The following LRP1B variants were observed in gnomAD, a reference collection of about 807,000 sequenced individuals.
LRP1B encodes LDL receptor related protein 1B.
LRP1B carries 217 observed loss-of-function variants against 556.6 expected under a neutral mutation model. The observed-to-expected ratio is 0.39, with a 90% CI of 0.35 to 0.44. The LOEUF is 0.44. LRP1B is among the 20% of genes least tolerant of loss of function. The pLI is 1.00. For missense variants in LRP1B, 5,053 were observed against 5,620.8 expected, an observed-to-expected ratio of 0.90 and a Z score of 3.23; for synonymous variants, 2,047 against 1,865.8, an observed-to-expected ratio of 1.10 and a Z score of -2.50.
intron 7 of LRP1B, among the ~76,000 whole-genome samples, chr2:141,144,131 C>T (rs1225875290): frequency 6.6e-6 from 1 of 152,058 alleles, no homozygotes; most frequent in African/African-American, 2.4e-5. Flanking sequence ...AATTTTTGAC[C>T]TGTCTACTCT....
intron 32 of LRP1B, among the ~76,000 whole-genome samples, chr2:140,789,215 T>A (rs895500367): frequency 6.6e-6 from 1 of 152,182 alleles, no homozygotes; most frequent in African/African-American, 2.4e-5. Flanking sequence ...CGGGAGCCAC[T>A]GAGAGAAAAT....
intron 2 of LRP1B, among the ~76,000 whole-genome samples, chr2:141,676,250 C>A (rs1292614099): frequency 1.3e-5 from 2 of 151,934 alleles, no homozygotes; most frequent in Non-Finnish European, 2.9e-5. Context: ...ATGTTTGTAT[C>A]CCCAGTGCCA....
At chr2:140,793,441 C>T (rs1267301952) in intron 32 of LRP1B, among the ~76,000 whole-genome samples, 1 of 151,920 alleles carries the variant, frequency 6.6e-6, no homozygotes, top group Non-Finnish European at 1.5e-5. Flanking sequence ...ATTTACTATT[C>T]TGTCCTTATT....
intron 49 of LRP1B, among the ~76,000 whole-genome samples, chr2:140,524,128 T>A (rs936989800): frequency 7.3e-5 from 11 of 150,830 alleles, no homozygotes. Context: ...CAATAAGAAA[T>A]AAAAAAAACA....
intron 15 of LRP1B, among the ~76,000 whole-genome samples, chr2:141,002,223 T>C (rs1697445243): frequency 7.5e-6 from 1 of 133,430 alleles, no homozygotes; most frequent in Non-Finnish European, 1.6e-5. Context: ...TTTCCATTAC[T>C]AAAGAAAAAA....
At chr2:140,651,217 T>C (rs1684669820) in intron 41 of LRP1B, among the ~76,000 whole-genome samples, 1 of 151,160 alleles carries the variant, frequency 6.6e-6, no homozygotes, top group Non-Finnish European at 1.5e-5. Context: ...ATGGATGAAA[T>C]TGGAAATCAT....
At chr2:141,156,718 G>C (rs913744869) in intron 7 of LRP1B, among the ~76,000 whole-genome samples, 1 of 151,986 alleles carries the variant, frequency 6.6e-6, no homozygotes. Context: ...TTCTCTCATA[G>C]ATATATATAA....
At chr2:141,739,370 A>G (rs962816489) in intron 2 of LRP1B, among the ~76,000 whole-genome samples, 2 of 152,286 alleles carry the variant, frequency 1.3e-5, no homozygotes, top group Admixed American at 1.3e-4. Flanking sequence ...AAATGAATAA[A>G]TAAGCACACA....
intron 84 of LRP1B, among the ~76,000 whole-genome samples, chr2:140,282,706 A>G (rs1364123957): frequency 1.3e-5 from 2 of 151,820 alleles, no homozygotes; most frequent in Admixed American, 6.6e-5. Flanking sequence ...TCAGGGACAC[A>G]AGCTGGCATT....
intron 41 of LRP1B, among the ~76,000 whole-genome samples, chr2:140,652,059 A>G (rs566772388): frequency 6.6e-6 from 1 of 152,292 alleles, no homozygotes; most frequent in African/African-American, 2.4e-5. Flanking sequence ...AAGAGATTTT[A>G]TAAAAAAAAG....
chr2:141,986,816 A>G (rs1702200837), intron 1 of LRP1B, among the ~76,000 whole-genome samples: 1 of 151,968 alleles, frequency 6.6e-6, no homozygotes, highest in African/African-American at 2.4e-5. Context: ...GAAATCCACT[A>G]TGAGTTTGTC....
intron 66 of LRP1B, 60 bp from the exon 67 acceptor site, chr2:140,386,069 G>T: frequency 1.0e-6 from 1 of 991,464 alleles, no homozygotes; most frequent in Non-Finnish European, 1.6e-6. Flanking sequence ...CCCTCACAAC[G>T]TCCTCACTGC....
chr2:140,483,014 A>T (rs537195896), intron 59 of LRP1B, among the ~76,000 whole-genome samples: 1 of 152,296 alleles, frequency 6.6e-6, no homozygotes, highest in East Asian at 1.9e-4. Flanking sequence ...CCTAGAGCTC[A>T]TCTCATCAAT....
chr2:141,637,602 T>A (rs1689148428), intron 2 of LRP1B, among the ~76,000 whole-genome samples: 11 of 152,216 alleles, frequency 7.2e-5, no homozygotes, highest in Admixed American at 7.2e-4. Flanking sequence ...CTTCTCCTGG[T>A]TTGCACTGCC....
chr2:140,503,306 G>A (rs947402791), intron 53 of LRP1B, among the ~76,000 whole-genome samples: 2 of 152,000 alleles, frequency 1.3e-5, no homozygotes, highest in African/African-American at 4.8e-5. Context: ...AAAAACTCAA[G>A]TTGGAAACTA....
intron 5 of LRP1B, among the ~76,000 whole-genome samples, chr2:141,243,762 A>G (rs948559218): frequency 2.0e-5 from 3 of 152,154 alleles, no homozygotes; most frequent in African/African-American, 7.2e-5. Flanking sequence ...TGTATTCTTT[A>G]TTTCATTAGT....
At chr2:142,042,356 G>T (rs944394349) in intron 1 of LRP1B, among the ~76,000 whole-genome samples, 13 of 151,392 alleles carry the variant, frequency 8.6e-5, no homozygotes, top group African/African-American at 3.1e-4. Context: ...GTGTTCGTTG[G>T]TGAAGGCTGA....
intron 1 of LRP1B, among the ~76,000 whole-genome samples, chr2:141,860,296 A>G (rs1344838092): frequency 1.3e-5 from 2 of 152,224 alleles, no homozygotes; most frequent in South Asian, 2.1e-4. Context: ...CAGTAACGCT[A>G]TATCACTGTA....
At chr2:140,983,309 T>C (rs1696826845) in intron 17 of LRP1B, among the ~76,000 whole-genome samples, 1 of 151,956 alleles carries the variant, frequency 6.6e-6, no homozygotes, top group Admixed American at 6.6e-5. Flanking sequence ...CCTGTGAAAA[T>C]TGTGGATAGG....
Sources: allele counts gnomAD v4.1 joint callset (sites outside exome capture counted in the v4.1 genomes callset), GRCh38; gene constraint gnomAD v4.1.1; transcripts MANE v1.5; gene names NCBI Gene and HGNC (gene_info 2026-07-23, HGNC 2026-07-21).